The following TNPO3 variants were observed in gnomAD, a reference collection of about 807,000 sequenced individuals.
The protein encoded by TNPO3 is transportin 3.
TNPO3 carries 65 observed loss-of-function variants against 122.8 expected under a neutral mutation model. The ratio of observed to expected loss-of-function variants is 0.53; its 90% CI spans 0.43 to 0.65. The LOEUF (loss-of-function observed/expected upper bound fraction) is 0.65. TNPO3 is among the 30% of genes least tolerant of loss of function. The pLI is 0.00. For synonymous variants in TNPO3, 372 were observed against 411.2 expected (o/e 0.90, Z 1.15); for missense variants, 850 against 1,136.7 (o/e 0.75, Z 3.63).
At chr7:128,975,274 A>G (rs1798936702) in intron 17 of TNPO3, among the ~76,000 whole-genome samples, 1 of 152,256 alleles carries the variant, frequency 6.6e-6, no homozygotes, top group Non-Finnish European at 1.5e-5. Flanking sequence ...CTATTTAGGT[A>G]TAGTCCACTA....
chr7:128,993,834 C>A lies in TNPO3; in HGVS notation c.1239G>T (p.Leu413Phe). Reference protein sequence around the residue: ...VSDLVKDLIFLIGSMECFAQL... With the variant: ...VSDLVKDLIFFIGSMECFAQL... The stretch of plus-strand genomic sequence containing the variant: ...GAGCAAAACACTCCATAGACCCTAT[C>A]AAGAAAATCAAGTCCTTTACCAGGT... Residue 413 changes from leucine to phenylalanine, a missense_variant, in exon 9 of 23, where the codon TTG becomes TTT. Coordinates refer to ENST00000265388, the MANE Select transcript of TNPO3 (RefSeq NM_012470.4). 1 of 1,614,072 alleles carries A rather than the reference C, an allele frequency of 6.2e-7. No homozygotes were observed. The highest frequency in any genetic ancestry group is 1.1e-5 in the South Asian group (1 of 91,076).
chr7:128,980,334 G>A (rs1427868202), intron 14 of TNPO3, among the ~76,000 whole-genome samples: 1 of 152,230 alleles, frequency 6.6e-6, no homozygotes, highest in African/African-American at 2.4e-5. Context: ...TGGGCTGGGT[G>A]TGGTGGCTCA....
At chr7:128,986,488 G>T (rs958961818) in intron 12 of TNPO3, among the ~76,000 whole-genome samples, 1 of 152,140 alleles carries the variant, frequency 6.6e-6, no homozygotes, top group African/African-American at 2.4e-5. Context: ...CCAAATCTAG[G>T]TCGGTGCTAT....
Position 129,001,221 on chromosome 7 carries a change from G to C in TNPO3, c.710C>G (p.Thr237Ser). ...AGCAGCTTCATGTAGGTTAGACGAG[G>C]TCTTATCCTGTTGCTGGGGAGGTAG... Reference protein sequence around the residue: ...LLFEVLQQDKTSSNLHEAASD... With the variant: ...LLFEVLQQDKSSSNLHEAASD... The change falls in exon 6 of 23, where the codon ACC (threonine) becomes AGC (serine). Residue 237 changes from threonine to serine, a missense_variant. Transcript: ENST00000265388. 6.2e-7 allele frequency: 1 copy of C among 1,605,098 alleles called. No homozygotes were observed. Among genetic ancestry groups the C allele is most frequent in the Non-Finnish European group, 8.5e-7 (1 of 1,172,820 alleles).
intron 4 of TNPO3, among the ~76,000 whole-genome samples, chr7:129,009,119 C>T (rs917179199): frequency 1.3e-5 from 2 of 152,056 alleles, no homozygotes; most frequent in African/African-American, 4.8e-5. Context: ...GAAGAGCTCA[C>T]CAGTAAAAAG....
At chr7:129,025,120 G>A (rs1178080122) in intron 1 of TNPO3, among the ~76,000 whole-genome samples, 2 of 151,682 alleles carry the variant, frequency 1.3e-5, no homozygotes, top group Non-Finnish European at 1.5e-5. Flanking sequence ...AGGCCAAGGC[G>A]GGTGGATCAC....
intron 13 of TNPO3, 83 bp from the exon 14 acceptor site, chr7:128,982,407 C>T: frequency 8.2e-7 from 1 of 1,226,142 alleles, no homozygotes; most frequent in Non-Finnish European, 1.2e-6. Context: ...CAACCTTTGT[C>T]TCAATCTCTG....
chr7:129,001,127 T>A lies in TNPO3; in HGVS notation c.804A>T (p.Gln268His). Reference sequence around the variant, plus strand: ...CCAATGTCAGCACTCCCTGAAAAAGTTGCATGGCTAATGGCAAGTTAGTCT... The same window carrying A: ...CCAATGTCAGCACTCCCTGAAAAAGATGCATGGCTAATGGCAAGTTAGTCT... The part of the protein sequence containing the change: ...NVETNLPLAM[Q>H]LFQGVLTLET... Residue 268 changes from glutamine to histidine, a missense_variant, in exon 6 of 23, where the codon CAA becomes CAT. Coordinates refer to ENST00000265388, the MANE Select transcript of TNPO3 (RefSeq NM_012470.4). 1 of 1,614,180 alleles carries A rather than the reference T, an allele frequency of 6.2e-7. No individual in the cohort carries two copies. The highest frequency in any genetic ancestry group is 8.5e-7 in the Non-Finnish European group (1 of 1,180,020).
At chr7:128,986,231 T>C (rs915762170) in intron 12 of TNPO3, among the ~76,000 whole-genome samples, 1 of 152,238 alleles carries the variant, frequency 6.6e-6, no homozygotes, top group Non-Finnish European at 1.5e-5. Context: ...AGTTCTTCTA[T>C]TAAGTCCGAG....
At chr7:128,957,028 C>A (rs1422322474) in intron 22 of TNPO3, among the ~76,000 whole-genome samples, 196 bp downstream of exon 22, 1 of 152,222 alleles carries the variant, frequency 6.6e-6, no homozygotes, top group Non-Finnish European at 1.5e-5. Context: ...AAGACACTGA[C>A]AATTACTGGC....
At chr7:128,977,941 C>G (rs1799242844) in intron 16 of TNPO3, among the ~76,000 whole-genome samples, 2 of 152,110 alleles carry the variant, frequency 1.3e-5, no homozygotes, top group Non-Finnish European at 2.9e-5. Flanking sequence ...AAATCTGCAC[C>G]CTAGGTGCTC....
intron 1 of TNPO3, among the ~76,000 whole-genome samples, chr7:129,039,901 G>C (rs558224756): frequency 6.6e-6 from 1 of 152,318 alleles, no homozygotes; most frequent in African/African-American, 2.4e-5. Context: ...TAGATTAGTA[G>C]CTGCCTAGCA....
chr7:129,001,029 C>A, intron 6 of TNPO3, 30 bp downstream of exon 6: 2 of 1,606,320 alleles, frequency 1.2e-6, no homozygotes, highest in African/African-American at 1.3e-5. Flanking sequence ...GTAGGTAAAC[C>A]CAGGGCTCCA....
rs1331152744 is a variant in TNPO3 at position 129,054,858 on chromosome 7, T to C, written c.-88A>G. ...TCCGCCTTCGCGCTTCCTCACTGTC[T>C]GGGCCACGGCCGCTCCCTGACTGGC... On this transcript the variant is annotated 5_prime_UTR_variant, in exon 1 of 23. Coordinates refer to ENST00000265388, the MANE Select transcript of TNPO3 (RefSeq NM_012470.4). 2 of 1,577,426 alleles carry C rather than the reference T, an allele frequency of 1.3e-6. No individual in the cohort carries two copies. Among genetic ancestry groups the C allele is most frequent in the South Asian group, 1.1e-5 (1 of 88,876 alleles).
At chr7:129,047,009 C>T (rs1408162937) in intron 1 of TNPO3, among the ~76,000 whole-genome samples, 2 of 152,178 alleles carry the variant, frequency 1.3e-5, no homozygotes, top group Non-Finnish European at 2.9e-5. Context: ...CAAGACCTTT[C>T]TGATATGATA....
chr7:129,003,018 C>G (rs1287788068), intron 5 of TNPO3, among the ~76,000 whole-genome samples: 61 of 123,262 alleles, frequency 4.9e-4, no homozygotes, highest in African/African-American at 1.8e-3. Flanking sequence ...CCAGCCCCGG[C>G]GACAGAGCGA....
At chr7:129,016,907 C>T (rs1803915519) in intron 3 of TNPO3, 76 bp downstream of exon 3, 1 of 1,207,530 alleles carries the variant, frequency 8.3e-7, no homozygotes, top group Admixed American at 1.7e-5. Flanking sequence ...AAATATCTAG[C>T]TATTGCTAAC....
At position 128,974,906 on chromosome 7, in the gene TNPO3, G is replaced by C. The variant is rs773758535; in HGVS notation, c.2235C>G (p.His745Gln). The change falls in exon 18 of 23, where the codon CAC becomes CAG. Residue 745 changes from histidine (H) to glutamine (Q), a missense_variant. Coordinates refer to ENST00000265388, the MANE Select transcript of TNPO3 (RefSeq NM_012470.4). ...GGAACAGGTCATCTACAGTGTCAGG[G>C]TGATTCTGGAGACCATTCTGCTGTT... ...LLEQQNGLQN[H>Q]PDTVDDLFRL... is the part of the protein sequence containing the mutation. The C allele has an allele frequency of 1.2e-6, 2 of 1,614,098 alleles. No homozygotes were observed. Among genetic ancestry groups the C allele is most frequent in the Admixed American group, 3.3e-5 (2 of 60,006 alleles).
Position 128,983,838 on chromosome 7 carries a change from A to G in TNPO3, c.1782+330T>C, listed in dbSNP as rs555699463. ...TCCCTGAAGTGTATAAAACCAAACC[A>G]TAATCCCACCACCTCAAGCACACTT... On this transcript the variant is annotated intron_variant, in intron 13 of 22. Coordinates refer to ENST00000265388, the MANE Select transcript of TNPO3 (RefSeq NM_012470.4). Among the ~76,000 whole-genome samples, 4 of 152,296 alleles carry G rather than the reference A, an allele frequency of 2.6e-5. No homozygotes were observed. In the East Asian group the frequency reaches 5.8e-4, roughly 22 times the overall value.
Sources: gnomAD v4.1 joint callset for allele counts (sites outside exome capture counted in the v4.1 genomes callset) on GRCh38, gnomAD v4.1.1 for gene constraint, MANE v1.5 for transcripts, NCBI Gene and HGNC (gene_info 2026-07-23, HGNC 2026-07-21) for gene names.